The following CERS6 variants were observed in gnomAD, a reference collection of about 807,000 sequenced individuals.
The protein encoded by CERS6 is ceramide synthase 6, also known as LAG1 homolog, ceramide synthase 6.
In CERS6, 26 loss-of-function variants were observed where a neutral mutation model predicts 56.8. The observed-to-expected ratio is 0.46, with a 90% CI of 0.34 to 0.63. The LOEUF (loss-of-function observed/expected upper bound fraction) is 0.63. Among genes scored for constraint, CERS6 ranks in the 30% least tolerant of loss-of-function variants. The probability of loss-of-function intolerance (pLI) is 0.01; values close to 1 mark genes in which losing one functional copy is unlikely to be tolerated. For synonymous variants in CERS6, 164 were observed against 173.3 expected (o/e 0.95, Z 0.42); for missense variants, 415 against 467.5 (o/e 0.89, Z 1.04).
At chr2:168,525,270 T>C (rs1695051046) in intron 1 of CERS6, among the ~76,000 whole-genome samples, 1 of 152,198 alleles carries the variant, frequency 6.6e-6, no homozygotes, top group South Asian at 2.1e-4. Flanking sequence ...CCCAGAGTTG[T>C]TGATTTAGTA....
chr2:168,768,157 C>G (rs946109614), intron 9 of CERS6, among the ~76,000 whole-genome samples: 9 of 152,030 alleles, frequency 5.9e-5, no homozygotes, highest in Admixed American at 3.3e-4. Flanking sequence ...ATTTTGACCT[C>G]CATGTGACTT....
intron 9 of CERS6, chr2:168,766,315 C>T (rs1684727974): frequency 6.3e-7 from 1 of 1,597,920 alleles, no homozygotes; most frequent in Non-Finnish European, 8.5e-7. Context: ...TTCTGCTACC[C>T]TGGAAGGCTG....
chr2:168,466,756 T>A (rs1294529854), intron 1 of CERS6, among the ~76,000 whole-genome samples: 1 of 152,232 alleles, frequency 6.6e-6, no homozygotes, highest in Admixed American at 6.5e-5. Flanking sequence ...CTGCCTTCTA[T>A]TCCTACTTTT....
chr2:168,588,485 C>CT (rs1683597305), intron 3 of CERS6, among the ~76,000 whole-genome samples: 1 of 152,126 alleles, frequency 6.6e-6, no homozygotes, highest in Non-Finnish European at 1.5e-5. Flanking sequence ...ACCGTAAGTA[C>CT]TTTATATAAG....
At chr2:168,496,850 C>T (rs986378825) in intron 1 of CERS6, among the ~76,000 whole-genome samples, 5 of 152,132 alleles carry the variant, frequency 3.3e-5, no homozygotes, top group African/African-American at 9.7e-5. Context: ...TTACTTTCAG[C>T]TTCATGCCTA....
intron 8 of CERS6, among the ~76,000 whole-genome samples, chr2:168,732,572 C>G (rs1479950260): frequency 1.3e-5 from 2 of 152,234 alleles, no homozygotes. Flanking sequence ...AGCACACATA[C>G]TCTACCTAAT....
chr2:168,716,797 T>C (rs1687237824), intron 7 of CERS6, among the ~76,000 whole-genome samples: 1 of 152,170 alleles, frequency 6.6e-6, no homozygotes, highest in Non-Finnish European at 1.5e-5. Context: ...TAATCCTAAC[T>C]TCCACCCAGT....
At position 168,770,083 on chromosome 2, in the gene CERS6, C is replaced by A. The variant is rs1247334328; in HGVS notation, c.*421C>A. 1 of 197,024 alleles carries A rather than the reference C, an allele frequency of 5.1e-6. No individual in the cohort carries two copies. The highest frequency in any genetic ancestry group is 1.0e-5 in the Non-Finnish European group (1 of 98,392). The allele number at this position is 197,024 out of a possible 1,614,324, so 12.2% of individuals were successfully genotyped here. ...AGCTTACTTTGTCACTTAGAGCAAG[C>A]AAAACCCAGTGCAAGAGTCTCGTTC... On this transcript the variant is annotated 3_prime_UTR_variant, in exon 10 of 10. Coordinates refer to ENST00000305747, the MANE Select transcript of CERS6 (RefSeq NM_203463.3).
At chr2:168,744,761 A>G (rs1221878122) in intron 8 of CERS6, among the ~76,000 whole-genome samples, 1 of 152,230 alleles carries the variant, frequency 6.6e-6, no homozygotes, top group Non-Finnish European at 1.5e-5. Flanking sequence ...GAGAGCAGGA[A>G]TGGATCAACA....
chr2:168,557,916 A>G lies in CERS6; in HGVS notation c.277-3276A>G, dbSNP rs1052826688. Reference sequence around the variant, plus strand: ...GAGAAGGGTTTAATCACCCTAACATATGAAGATGCCTTACAAATCAACAAG... The same window carrying G: ...GAGAAGGGTTTAATCACCCTAACATGTGAAGATGCCTTACAAATCAACAAG... On this transcript the variant is annotated intron_variant, in intron 2 of 9. Coordinates refer to ENST00000305747, the MANE Select transcript of CERS6 (RefSeq NM_203463.3). 1.8e-4 allele frequency among the ~76,000 whole-genome samples: 27 copies of G among 152,336 alleles called. 1 individual carries two copies. Among genetic ancestry groups the G allele is most frequent in the East Asian group, 5.8e-4 (3 of 5,188 alleles).
chr2:168,571,965 G>A (rs952121241), intron 3 of CERS6, among the ~76,000 whole-genome samples: 1 of 152,282 alleles, frequency 6.6e-6, no homozygotes, highest in Non-Finnish European at 1.5e-5. Context: ...AAGGGAGGCT[G>A]TTTACTGCTG....
chr2:168,711,046 G>A (rs780226156), intron 6 of CERS6, among the ~76,000 whole-genome samples: 12 of 152,268 alleles, frequency 7.9e-5, no homozygotes, highest in South Asian at 2.1e-4. Context: ...AAGAGAAATC[G>A]TTGCACTTCA....
At chr2:168,538,881 A>C (rs865775937) in intron 1 of CERS6, among the ~76,000 whole-genome samples, 1 of 152,242 alleles carries the variant, frequency 6.6e-6, no homozygotes, top group South Asian at 2.1e-4. Context: ...ATTACTGAGC[A>C]GAGTGTATGA....
At chr2:168,504,801 A>C (rs556545514) in intron 1 of CERS6, among the ~76,000 whole-genome samples, 1 of 152,280 alleles carries the variant, frequency 6.6e-6, no homozygotes, top group African/African-American at 2.4e-5. Context: ...GAAATCATTA[A>C]TAATGGGCTG....
chr2:168,650,974 G>A (rs897420855), intron 4 of CERS6, among the ~76,000 whole-genome samples: 2 of 152,184 alleles, frequency 1.3e-5, no homozygotes, highest in African/African-American at 4.8e-5. Flanking sequence ...AGAGTGGGCA[G>A]GAGTGTGAGG....
chr2:168,677,729 T>C (rs1235941677), intron 4 of CERS6, among the ~76,000 whole-genome samples: 1 of 152,074 alleles, frequency 6.6e-6, no homozygotes, highest in Non-Finnish European at 1.5e-5. Context: ...ACTCCCAACC[T>C]CAGGTGTTCT....
At chr2:168,755,642 C>T (rs1424764588) in intron 8 of CERS6, among the ~76,000 whole-genome samples, 4 of 152,184 alleles carry the variant, frequency 2.6e-5, no homozygotes, top group Non-Finnish European at 4.4e-5. Flanking sequence ...CAGCAACTAC[C>T]CAAATAGGAA....
intron 1 of CERS6, among the ~76,000 whole-genome samples, chr2:168,531,289 C>T (rs1167646885): frequency 6.6e-6 from 1 of 152,116 alleles, no homozygotes; most frequent in African/African-American, 2.4e-5. Context: ...TAAAATAGGA[C>T]ACTTAGGGAA....
chr2:168,740,495 A>G (rs1208565068), intron 8 of CERS6, among the ~76,000 whole-genome samples: 1 of 152,242 alleles, frequency 6.6e-6, no homozygotes, highest in East Asian at 1.9e-4. Context: ...GGGCAGAGAC[A>G]TGAATCACCT....
Sources: gnomAD v4.1 joint callset for allele counts (sites outside exome capture counted in the v4.1 genomes callset) on GRCh38, gnomAD v4.1.1 for gene constraint, MANE v1.5 for transcripts, NCBI Gene and HGNC (gene_info 2026-07-23, HGNC 2026-07-21) for gene names.